The following TMEM272 variants were observed in gnomAD, a reference collection of about 807,000 sequenced individuals.
TMEM272 encodes the protein transmembrane protein 272.
Under a neutral mutation model 3.7 loss-of-function variants are expected in TMEM272, and 8 were observed. The observed-to-expected ratio is 2.17, with a 90% CI of 1.27 to 3.91. The LOEUF (loss-of-function observed/expected upper bound fraction) is 3.91, where lower values mean the gene tolerates loss of function less well. Among genes scored for constraint, TMEM272 ranks in the 30% most tolerant of loss-of-function variants. TMEM272 has a pLI of 0.00. For missense variants in TMEM272, 166 were observed against 91.5 expected (o/e 1.81, Z -3.32); for synonymous variants, 63 against 39.8 (o/e 1.58, Z -2.20).
the TMEM272 span, among the ~76,000 whole-genome samples, chr13:51,894,518 G>T: frequency 1.3e-5 from 2 of 152,198 alleles, no homozygotes; most frequent in African/African-American, 4.8e-5. Flanking sequence ...GATGGTGGTT[G>T]GCTGGGGTTT....
At chr13:51,872,078 C>T in the TMEM272 span, among the ~76,000 whole-genome samples, 2 of 152,112 alleles carry the variant, frequency 1.3e-5, no homozygotes, top group East Asian at 1.9e-4. Flanking sequence ...CCAAGGATCA[C>T]GGGGCACTTT....
chr13:51,834,147 T>C (rs922501504), intron 2 of TMEM272, among the ~76,000 whole-genome samples: 3 of 152,198 alleles, frequency 2.0e-5, no homozygotes, highest in Non-Finnish European at 4.4e-5. Context: ...AGAGAGGGCC[T>C]GTGTGAGGCT....
chr13:51,844,071 G>C (rs1219951193), intron 1 of TMEM272, among the ~76,000 whole-genome samples: 1 of 152,136 alleles, frequency 6.6e-6, no homozygotes, highest in Non-Finnish European at 1.5e-5. Flanking sequence ...ACACTTATCT[G>C]CTCCAAAATG....
the TMEM272 span, among the ~76,000 whole-genome samples, chr13:51,907,846 T>A: frequency 5.3e-5 from 8 of 152,240 alleles, no homozygotes; most frequent in African/African-American, 1.9e-4. Context: ...TTTATTCAAT[T>A]AAGCATAAAT....
At chr13:51,909,648 G>C in the TMEM272 span, 1 of 1,510,734 alleles carries the variant, frequency 6.6e-7, no homozygotes, top group South Asian at 1.1e-5. Context: ...GGTTGTTAAA[G>C]AAGCATTTAA....
chr13:51,838,866 CGTTGT>C (rs911489872), intron 1 of TMEM272, among the ~76,000 whole-genome samples: 1 of 152,118 alleles, frequency 6.6e-6, no homozygotes, highest in African/African-American at 2.4e-5. Context: ...TGCAGCCAGG[CGTTGT>C]GTTAACTCTT....
chr13:51,841,157 A>C (rs1400362937), intron 1 of TMEM272, among the ~76,000 whole-genome samples: 1 of 152,258 alleles, frequency 6.6e-6, no homozygotes, highest in Admixed American at 6.5e-5. Context: ...GCCATGGCCC[A>C]TCACGGCTCC....
chr13:51,833,403 C>A (rs1439679690), intron 2 of TMEM272, among the ~76,000 whole-genome samples: 1 of 151,816 alleles, frequency 6.6e-6, no homozygotes, highest in Non-Finnish European at 1.5e-5. Context: ...CAAAGCTGAA[C>A]CTTTGGAGAA....
chr13:51,873,877 G>C, the TMEM272 span, among the ~76,000 whole-genome samples: 1 of 152,178 alleles, frequency 6.6e-6, no homozygotes, highest in Non-Finnish European at 1.5e-5. Flanking sequence ...AATACTCAAA[G>C]GCTTTGTGGC....
chr13:51,831,672 TC>T (rs926516168), intron 2 of TMEM272, among the ~76,000 whole-genome samples: 9 of 152,204 alleles, frequency 5.9e-5, no homozygotes, highest in African/African-American at 2.2e-4. Flanking sequence ...TCTCGCCTGA[TC>T]CCCCTGCCTC....
At chr13:51,882,259 T>A in the TMEM272 span, among the ~76,000 whole-genome samples, 1 of 152,234 alleles carries the variant, frequency 6.6e-6, no homozygotes, top group Admixed American at 6.5e-5. Context: ...ATATACATTG[T>A]TAACTGTGCT....
At chr13:51,926,162 ATGTG>A in the TMEM272 span, among the ~76,000 whole-genome samples, 1 of 151,014 alleles carries the variant, frequency 6.6e-6, no homozygotes, top group Non-Finnish European at 1.5e-5. Flanking sequence ...TGTGTGGTGT[ATGTG>A]TGTGTGTCTT....
chr13:51,932,822 CACA>C, the TMEM272 span: 2 of 152,014 alleles, frequency 1.3e-5, no homozygotes, highest in African/African-American at 4.8e-5. Context: ...CATATATGAA[CACA>C]ACGTTTATGG....
At chr13:51,919,343 T>A in the TMEM272 span, among the ~76,000 whole-genome samples, 1 of 152,228 alleles carries the variant, frequency 6.6e-6, no homozygotes, top group Non-Finnish European at 1.5e-5. Flanking sequence ...GACATTTTGG[T>A]ACATTTGCTT....
chr13:51,908,239 T>C, the TMEM272 span: 18 of 756,224 alleles, frequency 2.4e-5, no homozygotes, highest in Admixed American at 4.1e-4. Flanking sequence ...GTTCTGGATC[T>C]TCAGCAGCAG....
At chr13:51,900,765 G>A in the TMEM272 span, among the ~76,000 whole-genome samples, 2,060 of 152,220 alleles carry the variant, frequency 0.014, 28 homozygotes, top group Non-Finnish European at 0.021. Flanking sequence ...CCATAAAATG[G>A]ATTATTATCC....
the TMEM272 span, among the ~76,000 whole-genome samples, chr13:51,910,886 G>A: frequency 5.4e-4 from 82 of 152,302 alleles, no homozygotes; most frequent in Non-Finnish European, 6.3e-4. Flanking sequence ...AATACCACAT[G>A]CAGAGAAAGA....
the TMEM272 span, among the ~76,000 whole-genome samples, chr13:51,878,507 A>G: frequency 6.6e-6 from 1 of 152,076 alleles, no homozygotes; most frequent in Non-Finnish European, 1.5e-5. Context: ...CATGGGGGGG[A>G]ATGCCCCCAT....
At chr13:51,915,516 T>C in the TMEM272 span, among the ~76,000 whole-genome samples, 3 of 152,228 alleles carry the variant, frequency 2.0e-5, no homozygotes, top group African/African-American at 7.2e-5. Context: ...TTGGGAGAAT[T>C]CTCCAGAGTA....
Sources: gnomAD v4.1 joint callset for allele counts (sites outside exome capture counted in the v4.1 genomes callset) on GRCh38, gnomAD v4.1.1 for gene constraint, MANE v1.5 for transcripts, NCBI Gene and HGNC (gene_info 2026-07-23, HGNC 2026-07-21) for gene names.